RANBP17: variants seen among roughly 807,000 people sequenced by gnomAD.
RANBP17 encodes RAN binding protein 17.
Under a neutral mutation model 141.2 loss-of-function variants are expected in RANBP17, and 158 were observed. The observed-to-expected ratio is 1.12, with a 90% CI of 0.98 to 1.28. The LOEUF (loss-of-function observed/expected upper bound fraction) is 1.28. RANBP17 is among the 50% of genes most tolerant of loss of function. The pLI is 0.00. For missense variants in RANBP17, 1,438 were observed against 1,290.7 expected (o/e 1.11, Z -1.75); for synonymous variants, 430 against 450.0 (o/e 0.96, Z 0.56).
chr5:171,093,412 G>A (rs1440858768), intron 14 of RANBP17, among the ~76,000 whole-genome samples: 2 of 151,966 alleles, frequency 1.3e-5, no homozygotes, highest in Non-Finnish European at 2.9e-5. Flanking sequence ...AATCACACAC[G>A]ATATAATAGC....
intron 14 of RANBP17, among the ~76,000 whole-genome samples, chr5:171,150,181 C>T (rs1758371324): frequency 6.6e-6 from 1 of 151,824 alleles, no homozygotes. Flanking sequence ...GGAATCTATA[C>T]CACTCTTTAA....
intron 16 of RANBP17, among the ~76,000 whole-genome samples, chr5:171,174,070 AATTTGAAACTTTTCAAATTGGTAAG>A (rs1183005508): frequency 1.3e-5 from 2 of 152,252 alleles, no homozygotes; most frequent in Non-Finnish European, 2.9e-5. Flanking sequence ...CTGTTTGCCA[AATTTGAAACTTTTCAAATTGGTAAG>A]ATTATTGTTA....
At chr5:171,273,500 A>G (rs1391774186) in intron 25 of RANBP17, among the ~76,000 whole-genome samples, 1 of 152,234 alleles carries the variant, frequency 6.6e-6, no homozygotes, top group East Asian at 1.9e-4. Flanking sequence ...GGGCAGCCTC[A>G]GCACACCTCC....
At chr5:170,988,891 C>G (rs184543413) in intron 14 of RANBP17, among the ~76,000 whole-genome samples, 8 of 151,808 alleles carry the variant, frequency 5.3e-5, no homozygotes, top group African/African-American at 1.9e-4. Context: ...GGCAATGCAC[C>G]TATAGTCCTA....
chr5:170,864,594 G>A (rs956704397), intron 1 of RANBP17, among the ~76,000 whole-genome samples: 3 of 152,164 alleles, frequency 2.0e-5, no homozygotes, highest in African/African-American at 7.2e-5. Context: ...AGATAAGGGG[G>A]CAGAGTGAGG....
intron 14 of RANBP17, among the ~76,000 whole-genome samples, chr5:171,140,553 C>T (rs180806990): frequency 2.0e-5 from 3 of 152,292 alleles, no homozygotes; most frequent in Admixed American, 2.0e-4. Flanking sequence ...TAAAACCTCA[C>T]CCCAAGTCCT....
At chr5:171,051,507 T>C (rs1462374081) in intron 14 of RANBP17, among the ~76,000 whole-genome samples, 1 of 152,202 alleles carries the variant, frequency 6.6e-6, no homozygotes. Flanking sequence ...TTTTCTGTCT[T>C]GCTGTTTTTA....
At chr5:171,027,598 TTAATAA>T (rs901975527) in intron 14 of RANBP17, among the ~76,000 whole-genome samples, 4 of 151,726 alleles carry the variant, frequency 2.6e-5, no homozygotes, top group African/African-American at 9.7e-5. Context: ...CATATTATAA[TTAATAA>T]TAATAATAAT....
chr5:171,003,171 T>C (rs900038691), intron 14 of RANBP17, among the ~76,000 whole-genome samples: 16 of 152,140 alleles, frequency 1.1e-4, no homozygotes, highest in African/African-American at 3.6e-4. Context: ...CAGAGTGCGG[T>C]CCTGGTCCTT....
intron 14 of RANBP17, among the ~76,000 whole-genome samples, chr5:171,047,500 G>C (rs1486714871): frequency 6.7e-6 from 1 of 148,520 alleles, no homozygotes; most frequent in Non-Finnish European, 1.5e-5. Flanking sequence ...GCAGTGGTGC[G>C]ATCTCAGCTC....
At chr5:170,978,571 A>G (rs1419432498) in intron 14 of RANBP17, among the ~76,000 whole-genome samples, 1 of 152,212 alleles carries the variant, frequency 6.6e-6, no homozygotes, top group East Asian at 1.9e-4. Flanking sequence ...TGATTTTACA[A>G]TAATCACTTC....
At chr5:170,950,365 A>C (rs1840977) in intron 12 of RANBP17, among the ~76,000 whole-genome samples, 4,077 of 152,098 alleles carry the variant, frequency 0.027, 171 homozygotes, top group African/African-American at 0.093. Context: ...AAGGATCACA[A>C]ATAACAGTAA....
chr5:170,911,338 AAAAAG>A (rs1771509965), intron 7 of RANBP17: 1 of 582,606 alleles, frequency 1.7e-6, no homozygotes, highest in Admixed American at 3.1e-5. Flanking sequence ...TGATTTAGGA[AAAAAG>A]AAAAAACAAG....
At chr5:170,946,118 A>G (rs1007139188) in intron 12 of RANBP17, among the ~76,000 whole-genome samples, 1 of 152,132 alleles carries the variant, frequency 6.6e-6, no homozygotes, top group African/African-American at 2.4e-5. Context: ...GCACTTTTAA[A>G]TAGGGACTTG....
chr5:171,184,155 G>A (rs1761066422), intron 18 of RANBP17, among the ~76,000 whole-genome samples: 1 of 152,170 alleles, frequency 6.6e-6, no homozygotes, highest in Non-Finnish European at 1.5e-5. Context: ...GAAATGAAAT[G>A]AGTATATCAA....
intron 14 of RANBP17, among the ~76,000 whole-genome samples, chr5:171,018,926 G>T (rs1403501270): frequency 1.3e-5 from 2 of 152,174 alleles, no homozygotes; most frequent in African/African-American, 4.8e-5. Flanking sequence ...TTTGAGATAT[G>T]TTCCATCAGT....
At chr5:170,968,096 G>A (rs1776718171) in intron 13 of RANBP17, 146 bp from the exon 14 acceptor site, 2 of 572,392 alleles carry the variant, frequency 3.5e-6, no homozygotes, top group South Asian at 6.6e-5. Flanking sequence ...GATTTCAGAT[G>A]ATTCAAAAAA....
At chr5:170,942,348 G>A (rs1487478142) in intron 12 of RANBP17, among the ~76,000 whole-genome samples, 1 of 151,990 alleles carries the variant, frequency 6.6e-6, no homozygotes, top group African/African-American at 2.4e-5. Flanking sequence ...ATGTCAAAAA[G>A]TGGAAACAGC....
chr5:171,035,436 A>G (rs141701760), intron 14 of RANBP17, among the ~76,000 whole-genome samples: 6 of 152,260 alleles, frequency 3.9e-5, no homozygotes, highest in Admixed American at 2.0e-4. Context: ...TGATGCTTCT[A>G]ATATCTTTCT....
Sources: gnomAD v4.1 joint callset for allele counts (sites outside exome capture counted in the v4.1 genomes callset) on GRCh38, gnomAD v4.1.1 for gene constraint, MANE v1.5 for transcripts, NCBI Gene and HGNC (gene_info 2026-07-23, HGNC 2026-07-21) for gene names.